Variants in UGT1A10 observed in about 807,000 individuals in gnomAD.
The protein encoded by UGT1A10 is UDP glucuronosyltransferase family 1 member A10, also known as UDP-glucuronosyltransferase 1A10.
In UGT1A10, 49 loss-of-function variants were observed where a neutral mutation model predicts 45.8. The observed-to-expected ratio is 1.07, with a 90% CI of 0.85 to 1.36. The LOEUF (loss-of-function observed/expected upper bound fraction) is 1.36, where lower values mean the gene tolerates loss of function less well. Among genes scored for constraint, UGT1A10 ranks in the 40% most tolerant of loss-of-function variants. The pLI, the probability that UGT1A10 is intolerant of heterozygous loss-of-function variation, is 0.00. For synonymous variants in UGT1A10, 284 were observed against 249.7 expected (o/e 1.14, Z -1.29); for missense variants, 745 against 668.6 (o/e 1.11, Z -1.26).
chr2:233,764,221 A>G (rs1437910759), intron 1 of UGT1A10, among the ~76,000 whole-genome samples: 2 of 152,128 alleles, frequency 1.3e-5, no homozygotes, highest in African/African-American at 2.4e-5. Context: ...AAGGGAATCA[A>G]TGGTGGGGGA....
rs532698035 is a variant in UGT1A10 at position 233,657,694 on chromosome 2, G to C, written c.855+20317G>C. Among the ~76,000 whole-genome samples the C allele has an allele frequency of 3.3e-5, 5 of 152,256 alleles. No individual in the cohort carries two copies. In the South Asian group the frequency reaches 1.0e-3, roughly 32 times the overall value. ...GATATGGTCAGTCTTTTTGATTGCA[G>C]CTATTCTAATGGGTATGTAAATTAA... On this transcript the variant is annotated intron_variant, in intron 1 of 4. Transcript: ENST00000344644.
At chr2:233,679,364 C>T (rs2074450232) in intron 1 of UGT1A10, among the ~76,000 whole-genome samples, 1 of 152,168 alleles carries the variant, frequency 6.6e-6, no homozygotes, top group Non-Finnish European at 1.5e-5. Flanking sequence ...AACAATAAAA[C>T]TGTCAGTGAG....
chr2:233,693,574 C>T (rs745481050), intron 1 of UGT1A10: 30 of 1,614,190 alleles, frequency 1.9e-5, no homozygotes, highest in East Asian at 1.6e-4. Context: ...ACCCTGTGTC[C>T]TACATTCCCA....
intron 1 of UGT1A10, among the ~76,000 whole-genome samples, chr2:233,720,265 G>T (rs928123485): frequency 1.2e-4 from 19 of 152,154 alleles, no homozygotes; most frequent in Admixed American, 1.0e-3. Flanking sequence ...AGAGGGATCT[G>T]TCCTGAGAAA....
chr2:233,737,111 A>G (rs1182220663), intron 1 of UGT1A10, among the ~76,000 whole-genome samples: 1 of 152,120 alleles, frequency 6.6e-6, no homozygotes. Context: ...TGTTCCCCAC[A>G]TGTTCAGAAG....
intron 1 of UGT1A10, among the ~76,000 whole-genome samples, chr2:233,734,191 TC>T (rs2078496929): frequency 6.6e-6 from 1 of 152,190 alleles, no homozygotes; most frequent in South Asian, 2.1e-4. Context: ...AATTATTGCC[TC>T]AATTTCAGAG....
chr2:233,687,969 G>T (rs2074872231), intron 1 of UGT1A10, among the ~76,000 whole-genome samples: 1 of 152,200 alleles, frequency 6.6e-6, no homozygotes, highest in Non-Finnish European at 1.5e-5. Context: ...TGTAATTCAT[G>T]TATCGTAAAA....
At chr2:233,740,928 T>C (rs1315246376) in intron 1 of UGT1A10, 1 of 34,774 alleles carries the variant, frequency 2.9e-5, no homozygotes, top group Non-Finnish European at 4.7e-5. Flanking sequence ...CCACAAAAAG[T>C]TTTTTTTTTA....
chr2:233,763,503 T>C (rs1459749644), intron 1 of UGT1A10, among the ~76,000 whole-genome samples: 1 of 152,236 alleles, frequency 6.6e-6, no homozygotes, highest in Admixed American at 6.5e-5. Flanking sequence ...GTTTACTTTA[T>C]GTTTAGTTGA....
At chr2:233,757,911 T>G (rs1423273798) in intron 1 of UGT1A10, among the ~76,000 whole-genome samples, 6 of 152,118 alleles carry the variant, frequency 3.9e-5, no homozygotes, top group Non-Finnish European at 8.8e-5. Flanking sequence ...GACGTGTCAC[T>G]CTTTAGCAGC....
chr2:233,760,567 A>G (rs1697488656), intron 1 of UGT1A10: 5 of 1,614,130 alleles, frequency 3.1e-6, no homozygotes, highest in African/African-American at 2.7e-5. Context: ...GTCTTTTGTT[A>G]GTCTCGGGCA....
intron 1 of UGT1A10, chr2:233,743,933 G>A (rs1319527828): frequency 7.4e-7 from 1 of 1,357,164 alleles, no homozygotes; most frequent in Non-Finnish European, 9.8e-7. Flanking sequence ...TGGCCAGAAC[G>A]GCCCACCAGG....
intron 1 of UGT1A10, among the ~76,000 whole-genome samples, chr2:233,725,932 G>A (rs2077483924): frequency 6.6e-6 from 1 of 152,164 alleles, no homozygotes. Context: ...TTGGGAGACT[G>A]ATGCAGGAGG....
intron 1 of UGT1A10, among the ~76,000 whole-genome samples, chr2:233,717,536 C>T (rs2076584500): frequency 6.6e-6 from 1 of 152,202 alleles, no homozygotes; most frequent in South Asian, 2.1e-4. Flanking sequence ...TAAGGGAAGC[C>T]TCAGCCTCAC....
chr2:233,672,841 A>T, intron 1 of UGT1A10: 3 of 1,554,616 alleles, frequency 1.9e-6, no homozygotes, highest in Non-Finnish European at 2.6e-6. Context: ...TTGGAAATTA[A>T]AAAAGGATTC....
chr2:233,678,888 G>T (rs1386384880), intron 1 of UGT1A10, among the ~76,000 whole-genome samples: 1 of 152,038 alleles, frequency 6.6e-6, no homozygotes, highest in African/African-American at 2.4e-5. Context: ...TTCCTTGATT[G>T]GCTCTGTCAT....
intron 1 of UGT1A10, among the ~76,000 whole-genome samples, chr2:233,638,722 C>G (rs1471603103): frequency 3.3e-5 from 5 of 152,122 alleles, no homozygotes; most frequent in Non-Finnish European, 7.4e-5. Context: ...TTACAAGATT[C>G]AGTAGACTTT....
intron 1 of UGT1A10, among the ~76,000 whole-genome samples, chr2:233,649,523 CTTATT>C (rs1201061307): frequency 1.3e-5 from 2 of 152,160 alleles, no homozygotes; most frequent in Non-Finnish European, 2.9e-5. Flanking sequence ...AATATTTATA[CTTATT>C]TTATGAAAAT....
rs377063392 is a variant in UGT1A10, at chr2:233,724,823, G to A, written c.856-42211G>A. Among the ~76,000 whole-genome samples, 2 of 135,304 alleles carry A rather than the reference G, an allele frequency of 1.5e-5. 1 individual carries two copies. Among genetic ancestry groups the A allele is most frequent in the Non-Finnish European group, 3.1e-5 (2 of 64,184 alleles). 88.8% of individuals were successfully genotyped at this position (135,304 alleles called of 152,430 possible). A position where few individuals can be genotyped will look rare whatever the true frequency, so the allele number is the denominator to read the frequency against. On this transcript the variant is annotated intron_variant, in intron 1 of 4. Transcript: ENST00000344644. ...GCGGCCGGGCAGAGGCTGCAATCTC[G>A]GCACTTTGGGAGGCCAAGGCAGGCG...
Sources: gnomAD v4.1 joint callset for allele counts (sites outside exome capture counted in the v4.1 genomes callset) on GRCh38, gnomAD v4.1.1 for gene constraint, MANE v1.5 for transcripts, NCBI Gene and HGNC (gene_info 2026-07-23, HGNC 2026-07-21) for gene names.